ST7: variants seen among roughly 807,000 people sequenced by gnomAD.
ST7 encodes suppressor of tumorigenicity 7 protein.
A neutral mutation model predicts 78.7 loss-of-function variants in ST7; 28 were observed. The observed-to-expected ratio is 0.36, with a 90% CI of 0.26 to 0.49. The LOEUF (loss-of-function observed/expected upper bound fraction) is 0.49, where lower values mean the gene tolerates loss of function less well. ST7 is among the 20% of genes least tolerant of loss of function. The pLI is 0.99. For missense variants in ST7, 418 were observed against 696.0 expected (o/e 0.60, Z 4.49); for synonymous variants, 247 against 249.6 (o/e 0.99, Z 0.10).
In ST7 at chr7:117,190,079, G is replaced by A. The variant is rs1731613596; in HGVS notation, c.1151+686G>A. The A allele has an allele frequency of 6.1e-6, 1 of 164,668 alleles. No individual in the cohort carries two copies. The highest frequency in any genetic ancestry group is 1.9e-4 in the East Asian group (1 of 5,194). The allele number at this position is 164,668 out of a possible 1,614,324, so 10.2% of individuals were successfully genotyped here. On this transcript the variant is annotated intron_variant, in intron 11 of 15. Coordinates refer to ENST00000323984, the MANE Select transcript of ST7 (RefSeq NM_001369598.1). This position sits in a 1 kb window ranked among gnomAD's most constrained non-coding sequence, Gnocchi z 5.2. ...GTATCAGACAGGTTTGCTGTTAAGT[G>A]TGTGTACACTTCAAGACCAAAGTAA...
intron 3 of ST7, among the ~76,000 whole-genome samples, chr7:117,123,762 TG>T (rs1803598803): frequency 6.6e-6 from 1 of 152,170 alleles, no homozygotes; most frequent in South Asian, 2.1e-4. Context: ...TAATTTGCCT[TG>T]TTCTCAAATA....
intron 9 of ST7, among the ~76,000 whole-genome samples, chr7:117,140,509 G>A (rs1045669140): frequency 4.0e-5 from 6 of 151,790 alleles, no homozygotes; most frequent in East Asian, 1.9e-4. Context: ...TTTTTTTTCC[G>A]ATTTTTCTCC....
chr7:116,956,165 C>G (rs1486732223), intron 1 of ST7, among the ~76,000 whole-genome samples: 1 of 152,186 alleles, frequency 6.6e-6, no homozygotes, highest in South Asian at 2.1e-4. Flanking sequence ...ATTTTCTTCC[C>G]TTTTAAGTAA....
intron 10 of ST7, among the ~76,000 whole-genome samples, chr7:117,184,514 A>G (rs1584538197): frequency 6.6e-6 from 1 of 152,362 alleles, no homozygotes; most frequent in Middle Eastern, 3.4e-3. Context: ...TAGCTACTCT[A>G]TTCATCTTAT....
intron 1 of ST7, among the ~76,000 whole-genome samples, chr7:117,028,503 G>A (rs1796316744): frequency 6.6e-6 from 1 of 152,024 alleles, no homozygotes; most frequent in African/African-American, 2.4e-5. Context: ...AGTTTTCAGG[G>A]GGAGGCTTTG....
intron 1 of ST7, among the ~76,000 whole-genome samples, chr7:117,030,943 G>T (rs1796443440): frequency 6.6e-6 from 1 of 152,020 alleles, no homozygotes; most frequent in African/African-American, 2.4e-5. Flanking sequence ...ACCTAAATGT[G>T]CATCAGAGGT....
intron 1 of ST7, among the ~76,000 whole-genome samples, chr7:117,005,036 A>G (rs1795099378): frequency 6.6e-6 from 1 of 152,212 alleles, no homozygotes; most frequent in African/African-American, 2.4e-5. Context: ...CATAATGCCT[A>G]GAAGTCCACA....
At chr7:117,191,019 C>G (rs1809724407) in intron 12 of ST7, 83 bp downstream of exon 12, 1 of 1,096,312 alleles carries the variant, frequency 9.1e-7, no homozygotes, top group Non-Finnish European at 1.4e-6. Context: ...CTCAAGTACA[C>G]CGCTTATAAA....
intron 3 of ST7, among the ~76,000 whole-genome samples, chr7:117,129,332 G>A (rs1424324269): frequency 6.6e-6 from 1 of 151,782 alleles, no homozygotes; most frequent in East Asian, 1.9e-4. Context: ...ATCACTGTTA[G>A]CATGAACCCA....
At chr7:117,074,938 T>G (rs1434502025) in intron 1 of ST7, among the ~76,000 whole-genome samples, 1 of 152,220 alleles carries the variant, frequency 6.6e-6, no homozygotes, top group African/African-American at 2.4e-5. Flanking sequence ...TAATTAGTAT[T>G]GCAGCTGAAC....
intron 13 of ST7, among the ~76,000 whole-genome samples, chr7:117,218,238 T>A (rs1393968965): frequency 3.3e-5 from 5 of 152,196 alleles, no homozygotes; most frequent in Non-Finnish European, 7.3e-5. Context: ...AGAGCTTTTA[T>A]ATTTTATATC....
chr7:117,075,658 G>A (rs1370380231), intron 1 of ST7, among the ~76,000 whole-genome samples: 1 of 152,186 alleles, frequency 6.6e-6, no homozygotes, highest in African/African-American at 2.4e-5. Flanking sequence ...AGCTGGAGAA[G>A]AACATACATC....
chr7:117,196,717 C>T (rs1273718935), intron 12 of ST7, among the ~76,000 whole-genome samples: 1 of 118,772 alleles, frequency 8.4e-6, no homozygotes, highest in East Asian at 2.9e-4. Context: ...ATATGATTTG[C>T]AGATATTTTC....
intron 13 of ST7, among the ~76,000 whole-genome samples, chr7:117,212,254 G>A (rs765849824): frequency 4.9e-4 from 74 of 152,158 alleles, no homozygotes; most frequent in Admixed American, 2.0e-4. Context: ...GAGTTAGGCC[G>A]GACAGAGGTG....
At chr7:117,082,329 A>G (rs1400830777) in intron 1 of ST7, among the ~76,000 whole-genome samples, 1 of 152,222 alleles carries the variant, frequency 6.6e-6, no homozygotes, top group Non-Finnish European at 1.5e-5. Context: ...TAATTTATCC[A>G]TGATAAAAAC....
intron 3 of ST7, among the ~76,000 whole-genome samples, chr7:117,123,271 ATTT>A (rs1440011493): frequency 1.3e-5 from 2 of 152,160 alleles, no homozygotes; most frequent in African/African-American, 4.8e-5. Flanking sequence ...TTAAGGAATA[ATTT>A]GTTTTGAATA....
At chr7:117,152,177 CTATATA>C (rs58892731) in intron 9 of ST7, among the ~76,000 whole-genome samples, 891 of 66,500 alleles carry the variant, frequency 0.013, 9 homozygotes, top group African/African-American at 0.029. Context: ...TATATAAAAA[CTATATA>C]TATATATATA....
chr7:117,029,326 G>T (rs1402952617), intron 1 of ST7, among the ~76,000 whole-genome samples: 1 of 151,820 alleles, frequency 6.6e-6, no homozygotes, highest in Admixed American at 6.6e-5. Context: ...ATTTTAATTT[G>T]CATGTCTTTC....
rs1262849887 is a variant in ST7, at chr7:117,222,056, A to T, written c.1632A>T (p.Ala544=). The change falls in exon 15 of 16, where the codon GCA becomes GCT. Residue 544 remains alanine, a synonymous_variant. Coordinates refer to ENST00000323984, the MANE Select transcript of ST7 (RefSeq NM_001369598.1). ...HQFPELMGVF[A]KAFLSTLFAP... ...TCCCGGAACTTATGGGGGTCTTCGC[A>T]AAAGCTGTGAGTGTTTGCCTAGAGG... The T allele has an allele frequency of 6.2e-7, 1 of 1,608,736 alleles. No homozygotes were observed. Among genetic ancestry groups the T allele is most frequent in the Non-Finnish European group, 8.5e-7 (1 of 1,178,202 alleles).
Sources: allele counts gnomAD v4.1 joint callset (sites outside exome capture counted in the v4.1 genomes callset), GRCh38; gene constraint gnomAD v4.1.1; non-coding constraint Gnocchi (gnomAD v3.1); transcripts MANE v1.5; gene names NCBI Gene and HGNC (gene_info 2026-07-23, HGNC 2026-07-21).